The following S100A13 variants were observed in gnomAD, a reference collection of about 807,000 sequenced individuals.
S100A13 encodes protein S100-A13.
In S100A13, 6 loss-of-function variants were observed where a neutral mutation model predicts 8.2. The ratio of observed to expected loss-of-function variants is 0.73; its 90% CI spans 0.40 to 1.44. The LOEUF (loss-of-function observed/expected upper bound fraction) is 1.44. S100A13 is among the 40% of genes most tolerant of loss of function. S100A13 has a pLI of 0.02. For missense variants in S100A13, 114 were observed against 113.6 expected (o/e 1.00, Z -0.02); for synonymous variants, 39 against 45.9 (o/e 0.85, Z 0.61).
chr1:153,623,034 G>T (rs1667370452), intron 2 of S100A13, among the ~76,000 whole-genome samples: 1 of 151,536 alleles, frequency 6.6e-6, no homozygotes, highest in South Asian at 2.1e-4. Context: ...AGGCTGCAGT[G>T]AACTGTAATC....
At chr1:153,634,329 C>T (rs1339049269), upstream of S100A13, 4 of 152,876 alleles carry the variant, frequency 2.6e-5, no homozygotes, top group Non-Finnish European at 4.4e-5. Context: ...GGAGCACTGG[C>T]GTCTGTTTCC....
chr1:153,632,576 A>G (rs1322729799), upstream of S100A13, among the ~76,000 whole-genome samples: 1 of 152,056 alleles, frequency 6.6e-6, no homozygotes, highest in Non-Finnish European at 1.5e-5. Context: ...AGGCCGAAAG[A>G]ATCTTCTTTC....
At chr1:153,630,735 T>TCTC, upstream of S100A13, 1 of 1,559,850 alleles carries the variant, frequency 6.4e-7, no homozygotes, top group Non-Finnish European at 8.7e-7. Flanking sequence ...CCCCTTGCTA[T>TCTC]CTCCCCACCC....
At chr1:153,625,547 T>C (rs545437662) in intron 2 of S100A13, among the ~76,000 whole-genome samples, 1 of 152,356 alleles carries the variant, frequency 6.6e-6, no homozygotes, top group South Asian at 2.1e-4. Context: ...CACTGAGGTC[T>C]ATGACTCCAT....
At chr1:153,630,900 GAC>G (rs575763503), upstream of S100A13, 330 of 520,862 alleles carry the variant, frequency 6.3e-4, no homozygotes, top group African/African-American at 5.9e-3. Context: ...TCAATAATAA[GAC>G]ACACAGACTT....
chr1:153,627,822 G>T, upstream of S100A13: 1 of 549,416 alleles, frequency 1.8e-6, no homozygotes, highest in Non-Finnish European at 3.2e-6. Flanking sequence ...GGGGGAAGAG[G>T]GAGGCAACCA....
chr1:153,633,471 C>T (rs1478777415), upstream of S100A13, among the ~76,000 whole-genome samples: 11 of 102,208 alleles, frequency 1.1e-4, 1 homozygote, highest in African/African-American at 2.5e-4. Context: ...CGCAAAGGTG[C>T]CCCACCCCAA....
At chr1:153,628,095 C>T, upstream of S100A13, 1 of 1,550,416 alleles carries the variant, frequency 6.4e-7, no homozygotes. Context: ...CAGACTAAGA[C>T]CCCCTCAGCA....
intron 2 of S100A13, among the ~76,000 whole-genome samples, chr1:153,623,852 C>T (rs1321747566): frequency 6.6e-6 from 1 of 152,188 alleles, no homozygotes; most frequent in African/African-American, 2.4e-5. Flanking sequence ...CCAGATTCAG[C>T]TATCCAAGTG....
At chr1:153,619,783 C>A (rs553088160) in intron 2 of S100A13, among the ~76,000 whole-genome samples, 1 of 152,224 alleles carries the variant, frequency 6.6e-6, no homozygotes, top group South Asian at 2.1e-4. Flanking sequence ...AGGTTTGAAC[C>A]AACATTTGGA....
Position 153,619,029 on chromosome 1 carries a change from A to G in S100A13, c.163T>C (p.Ser55Pro). ...AAGCTCTTCATCTTCTCATCAAGAG[A>G]GCCCACATCCTGAGGAGACACCAAA... Reference protein sequence around the residue: ...QLPHLLKDVGSLDEKMKSLDV... With the variant: ...QLPHLLKDVGPLDEKMKSLDV... The change falls in exon 3 of 3, where the codon TCT becomes CCT. Residue 55 changes from serine to proline, a missense_variant. Transcript: ENST00000476133. The G allele has an allele frequency of 6.2e-7, 1 of 1,613,808 alleles. No homozygotes were observed.
At chr1:153,620,705 T>C (rs1381600379) in intron 2 of S100A13, among the ~76,000 whole-genome samples, 2 of 152,232 alleles carry the variant, frequency 1.3e-5, no homozygotes, top group Non-Finnish European at 2.9e-5. Flanking sequence ...AACCTAGAGT[T>C]ACTTGTAATT....
chr1:153,618,885 C>G lies in S100A13; in HGVS notation c.*10G>C. 1 of 1,613,846 alleles carries G rather than the reference C, an allele frequency of 6.2e-7. No individual in the cohort carries two copies. The highest frequency in any genetic ancestry group is 8.5e-7 in the Non-Finnish European group (1 of 1,179,868). On this transcript the variant is annotated 3_prime_UTR_variant, in exon 3 of 3. Coordinates refer to ENST00000476133, the MANE Select transcript of S100A13 (RefSeq NM_001024211.2). ...CTCTGCCCTGCCCACCCCATCTCAG[C>G]CAGGCGGCTTTACTTCTTCCTGATC...
At chr1:153,625,452 G>A (rs919065781) in intron 2 of S100A13, among the ~76,000 whole-genome samples, 4 of 152,256 alleles carry the variant, frequency 2.6e-5, no homozygotes, top group Non-Finnish European at 5.9e-5. Flanking sequence ...CTGTGAGTGC[G>A]AGAGAAGGAA....
At chr1:153,631,302 C>T, upstream of S100A13, 1 of 701,060 alleles carries the variant, frequency 1.4e-6, no homozygotes, top group South Asian at 2.0e-5. Flanking sequence ...TCCAGCCCTG[C>T]TACTTTCTAG....
At chr1:153,625,395 G>C (rs1350362001) in intron 2 of S100A13, among the ~76,000 whole-genome samples, 1 of 152,244 alleles carries the variant, frequency 6.6e-6, no homozygotes, top group East Asian at 1.9e-4. Flanking sequence ...AGAATGACCA[G>C]GCCTCTTCGA....
At chr1:153,627,858 C>T (rs926939598), upstream of S100A13, 1 of 638,138 alleles carries the variant, frequency 1.6e-6, no homozygotes, top group Non-Finnish European at 2.7e-6. Flanking sequence ...CACTGAGAGG[C>T]CCAATCTGAG....
upstream of S100A13, chr1:153,627,811 G>A: frequency 7.6e-6 from 4 of 524,298 alleles, no homozygotes; most frequent in South Asian, 6.6e-5. Context: ...TGTATGCTGA[G>A]GGGGGAAGAG....
chr1:153,630,702 G>A (rs948861899), upstream of S100A13: 4 of 1,606,456 alleles, frequency 2.5e-6, no homozygotes, highest in African/African-American at 2.7e-5. Context: ...AGTGGGTGAA[G>A]GTTGGGGGAA....
Sources: gnomAD v4.1 joint callset for allele counts (sites outside exome capture counted in the v4.1 genomes callset) on GRCh38, gnomAD v4.1.1 for gene constraint, MANE v1.5 for transcripts, NCBI Gene and HGNC (gene_info 2026-07-23, HGNC 2026-07-21) for gene names.